Variants in FHIT observed in about 807,000 individuals in gnomAD.
FHIT encodes the protein bis(5'-adenosyl)-triphosphatase.
In FHIT, 19 loss-of-function variants were observed where a neutral mutation model predicts 17.9. That is an observed-to-expected ratio of 1.06 (90% confidence interval 0.74 to 1.56). The LOEUF (loss-of-function observed/expected upper bound fraction) is 1.56. Among genes scored for constraint, FHIT ranks in the 40% most tolerant of loss-of-function variants. The pLI is 0.00. For missense variants in FHIT, 248 were observed against 189.2 expected, an observed-to-expected ratio of 1.31 and a Z score of -1.82; for synonymous variants, 81 against 69.7, an observed-to-expected ratio of 1.16 and a Z score of -0.81.
chr3:59,937,436 T>C (rs116251712), intron 7 of FHIT, among the ~76,000 whole-genome samples: 15 of 152,288 alleles, frequency 9.8e-5, no homozygotes, highest in African/African-American at 3.6e-4. Flanking sequence ...CGTGCTTTAT[T>C]GGTGGGTTGG....
chr3:60,228,770 A>C (rs1704342695), intron 5 of FHIT, among the ~76,000 whole-genome samples: 2 of 152,248 alleles, frequency 1.3e-5, no homozygotes, highest in Admixed American at 6.5e-5. Flanking sequence ...TGATTTGAGA[A>C]GAGCCACTCC....
At chr3:60,319,093 A>C (rs1709300289) in intron 5 of FHIT, among the ~76,000 whole-genome samples, 1 of 152,040 alleles carries the variant, frequency 6.6e-6, no homozygotes, top group Admixed American at 6.6e-5. Context: ...TAACTTCCCC[A>C]TCTTAAGATT....
chr3:60,200,634 T>G (rs1399435956), intron 5 of FHIT, among the ~76,000 whole-genome samples: 1 of 151,696 alleles, frequency 6.6e-6, no homozygotes, highest in African/African-American at 2.4e-5. Flanking sequence ...ACCAGTGTCT[T>G]TCTTCTGGAA....
chr3:61,043,860 C>A (rs896440009), intron 2 of FHIT, among the ~76,000 whole-genome samples: 2 of 152,164 alleles, frequency 1.3e-5, no homozygotes, highest in African/African-American at 4.8e-5. Context: ...GATACCCAGG[C>A]AAACAGGGTC....
intron 5 of FHIT, among the ~76,000 whole-genome samples, chr3:60,048,233 G>C (rs1475027403): frequency 6.6e-6 from 1 of 152,148 alleles, no homozygotes; most frequent in Admixed American, 6.5e-5. Context: ...CTGGAGTGCA[G>C]TGGCGTGATC....
At chr3:60,276,330 G>A (rs1707134374) in intron 5 of FHIT, among the ~76,000 whole-genome samples, 1 of 152,174 alleles carries the variant, frequency 6.6e-6, no homozygotes, top group Non-Finnish European at 1.5e-5. Flanking sequence ...TCTGGAGACA[G>A]AGGAAGTCCA....
intron 4 of FHIT, among the ~76,000 whole-genome samples, chr3:60,694,184 T>A (rs2041060582): frequency 6.6e-6 from 1 of 152,188 alleles, no homozygotes; most frequent in Non-Finnish European, 1.5e-5. Flanking sequence ...AGTAAGATGC[T>A]GACCTTTACT....
intron 5 of FHIT, among the ~76,000 whole-genome samples, chr3:60,244,739 T>G (rs1456358228): frequency 6.6e-6 from 1 of 152,150 alleles, no homozygotes; most frequent in Non-Finnish European, 1.5e-5. Flanking sequence ...ACAAACATCT[T>G]GAATGGGACT....
intron 4 of FHIT, among the ~76,000 whole-genome samples, chr3:60,818,632 T>G (rs533777621): frequency 2.6e-5 from 4 of 152,328 alleles, no homozygotes; most frequent in African/African-American, 9.6e-5. Context: ...TTCTCCTTCA[T>G]CTCTGGTAAC....
intron 5 of FHIT, among the ~76,000 whole-genome samples, chr3:60,146,413 A>G (rs991012538): frequency 6.6e-6 from 1 of 151,940 alleles, no homozygotes; most frequent in Non-Finnish European, 1.5e-5. Context: ...CTATCAAACA[A>G]TATCATAAAC....
At chr3:60,070,122 TCCAA>T in intron 5 of FHIT, among the ~76,000 whole-genome samples, 1 of 152,102 alleles carries the variant, frequency 6.6e-6, no homozygotes, top group Non-Finnish European at 1.5e-5. Context: ...GGTGGCCACA[TCCAA>T]GTCACAGGGC....
Position 61,197,612 on chromosome 3 carries a change from T to C in FHIT, c.-164+3005A>G, listed in dbSNP as rs188885614. Among the ~76,000 whole-genome samples the C allele has an allele frequency of 3.3e-5, 5 of 152,298 alleles. No individual in the cohort carries two copies. In the East Asian group the frequency reaches 5.8e-4, roughly 18 times the overall value. On this transcript the variant is annotated intron_variant, in intron 2 of 9. Coordinates refer to ENST00000492590, the MANE Select transcript of FHIT (RefSeq NM_002012.4). ...CAAGCAATGCCAGAACTGGAAGTAA[T>C]TGAGTTTTCAATCACATTTTACACA...
chr3:60,978,119 C>T (rs1043637830), intron 3 of FHIT, among the ~76,000 whole-genome samples: 3 of 152,166 alleles, frequency 2.0e-5, no homozygotes, highest in Non-Finnish European at 4.4e-5. Flanking sequence ...ATTGTCTTGT[C>T]AGTTAACACC....
At chr3:60,547,985 C>G (rs1023781001) in intron 4 of FHIT, among the ~76,000 whole-genome samples, 3 of 152,076 alleles carry the variant, frequency 2.0e-5, no homozygotes, top group Admixed American at 1.3e-4. Flanking sequence ...TAACATCCAA[C>G]TAAAGTAACG....
At chr3:60,543,382 TTC>T (rs773503395) in intron 4 of FHIT, among the ~76,000 whole-genome samples, 5 of 152,126 alleles carry the variant, frequency 3.3e-5, no homozygotes, top group Non-Finnish European at 7.4e-5. Flanking sequence ...CAAAAAAAAA[TTC>T]TTAGATGTTG....
intron 5 of FHIT, among the ~76,000 whole-genome samples, chr3:60,199,292 A>G (rs898104363): frequency 1.3e-5 from 2 of 152,192 alleles, no homozygotes; most frequent in Non-Finnish European, 2.9e-5. Context: ...AAACTGTCAT[A>G]CTATATGTGA....
intron 8 of FHIT, among the ~76,000 whole-genome samples, chr3:59,842,655 G>A (rs1164320341): frequency 6.6e-6 from 1 of 152,138 alleles, no homozygotes; most frequent in Non-Finnish European, 1.5e-5. Context: ...TTTCTCTAGT[G>A]ATTAGTGATG....
chr3:61,143,405 C>T (rs940709575), intron 2 of FHIT, among the ~76,000 whole-genome samples: 7 of 152,062 alleles, frequency 4.6e-5, no homozygotes, highest in Admixed American at 6.5e-5. Context: ...TTTTGTGTTA[C>T]GTGATTGTTT....
rs564568225 is a variant in FHIT, at chr3:60,339,041, A to T, written c.103+197819T>A. 6.6e-5 allele frequency among the ~76,000 whole-genome samples: 10 copies of T among 152,180 alleles called. No individual in the cohort carries two copies. In the East Asian group the frequency reaches 1.7e-3, roughly 27 times the overall value. ...TGGCATATAGTTTGTAAAACTTTAC[A>T]TTTGCTATTTCTGTTATGTATTTAT... is the stretch of plus-strand genomic sequence containing the variant. On this transcript the variant is annotated intron_variant, in intron 5 of 9. Transcript: ENST00000492590.
Sources: gnomAD v4.1 joint callset for allele counts (sites outside exome capture counted in the v4.1 genomes callset) on GRCh38, gnomAD v4.1.1 for gene constraint, MANE v1.5 for transcripts, NCBI Gene and HGNC (gene_info 2026-07-23, HGNC 2026-07-21) for gene names.